The following ARHGEF12 variants were observed in gnomAD, a reference collection of about 807,000 sequenced individuals.
ARHGEF12 encodes KMT2A/ARHGEF12 fusion protein.
In ARHGEF12, 66 loss-of-function variants were observed where a neutral mutation model predicts 211.2. That is an observed-to-expected ratio of 0.31 (90% CI 0.26 to 0.38). The LOEUF is 0.38. ARHGEF12 is among the 10% of genes least tolerant of loss of function. The pLI is 1.00. For missense variants in ARHGEF12, 1,429 were observed against 1,869.5 expected (o/e 0.76, Z 4.34); for synonymous variants, 592 against 638.4 (o/e 0.93, Z 1.09).
At chr11:120,457,986 A>ATATC in intron 24 of ARHGEF12, 94 bp from the exon 25 acceptor site, 1 of 1,419,998 alleles carries the variant, frequency 7.0e-7, no homozygotes, top group Non-Finnish European at 9.6e-7. Flanking sequence ...AGATTCAGGA[A>ATATC]TCTGATTAGA....
intron 1 of ARHGEF12, among the ~76,000 whole-genome samples, chr11:120,362,135 G>T (rs556493894): frequency 2.6e-5 from 4 of 152,300 alleles, no homozygotes; most frequent in African/African-American, 9.6e-5. Flanking sequence ...TCTCAAATTG[G>T]CTGAATACAT....
intron 1 of ARHGEF12, among the ~76,000 whole-genome samples, chr11:120,360,451 G>A (rs1287412269): frequency 6.6e-6 from 1 of 152,104 alleles, no homozygotes; most frequent in Non-Finnish European, 1.5e-5. Flanking sequence ...GGAGTGCAGT[G>A]ATGCGGTCAT....
chr11:120,453,547 G>C lies in ARHGEF12; in HGVS notation c.2056+1823G>C, dbSNP rs552534713. Among the ~76,000 whole-genome samples the C allele has an allele frequency of 2.6e-4, 39 of 152,184 alleles. 1 individual carries two copies. In the South Asian group the frequency reaches 4.6e-3, roughly 18 times the overall value. On this transcript the variant is annotated intron_variant, in intron 22 of 40. Transcript: ENST00000397843. ...CCAGCCAGGGCAACATGAAAAGACT[G>C]TCTCTACAAAAAATGAAGAAGTCAG... is the stretch of plus-strand genomic sequence containing the variant.
At chr11:120,457,317 T>C in intron 23 of ARHGEF12, 67 bp downstream of exon 23, 2 of 1,556,002 alleles carry the variant, frequency 1.3e-6, no homozygotes. Flanking sequence ...ATGCTATTCC[T>C]ATACTTAGTA....
intron 1 of ARHGEF12, among the ~76,000 whole-genome samples, chr11:120,345,478 C>T (rs901997767): frequency 2.0e-5 from 3 of 151,972 alleles, no homozygotes; most frequent in Admixed American, 6.6e-5. Context: ...CCGAGGTGGG[C>T]GGTTCAGGAG....
At position 120,488,554 on chromosome 11, in the gene ARHGEF12, G is replaced by C. The variant is rs1396487250; in HGVS notation, c.*3477G>C. ...CCTTATTCCTTATGCCTTCCCCACT[G>C]GTATTGAGGGTTTTGATAATAAATT... On this transcript the variant is annotated 3_prime_UTR_variant, in exon 41 of 41. Transcript: ENST00000397843. The C allele has an allele frequency of 9.2e-6, 2 of 218,366 alleles. No individual in the cohort carries two copies. Among genetic ancestry groups the C allele is most frequent in the African/African-American group, 4.5e-5 (2 of 44,440 alleles). 13.5% of individuals were successfully genotyped at this position (218,366 alleles called of 1,614,324 possible).
chr11:120,361,298 A>G (rs1047776553), intron 1 of ARHGEF12, among the ~76,000 whole-genome samples: 2 of 152,160 alleles, frequency 1.3e-5, no homozygotes, highest in African/African-American at 2.4e-5. Flanking sequence ...AGGAGTGCGA[A>G]CCCTGTTGTG....
chr11:120,457,518 C>T (rs781505937), intron 23 of ARHGEF12: 37 of 448,316 alleles, frequency 8.3e-5, no homozygotes, highest in Non-Finnish European at 1.4e-4. Flanking sequence ...CATAAAAGAA[C>T]TAAAACACCA....
At chr11:120,482,055 A>G (rs776670299) in intron 39 of ARHGEF12, among the ~76,000 whole-genome samples, 8 of 152,014 alleles carry the variant, frequency 5.3e-5, no homozygotes, top group Non-Finnish European at 1.0e-4. Context: ...CACCGCGCCC[A>G]GTCGGCATTG....
chr11:120,442,061 A>G (rs759259994), intron 14 of ARHGEF12, 43 bp from the exon 15 acceptor site: 13 of 1,408,738 alleles, frequency 9.2e-6, no homozygotes, highest in Admixed American at 7.9e-5. Flanking sequence ...TACATTTTTC[A>G]TGGTTCCTCA....
chr11:120,437,173 G>C, intron 11 of ARHGEF12, 135 bp from the exon 12 acceptor site: 1 of 545,168 alleles, frequency 1.8e-6, no homozygotes, highest in Non-Finnish European at 3.1e-6. Flanking sequence ...GCAGAACCAA[G>C]CATTTTACGA....
chr11:120,442,582 T>C (rs1353718583), intron 15 of ARHGEF12, among the ~76,000 whole-genome samples: 2 of 152,084 alleles, frequency 1.3e-5, no homozygotes, highest in African/African-American at 4.8e-5. Context: ...AACTGAACTC[T>C]GGGTGGCCTC....
intron 39 of ARHGEF12, among the ~76,000 whole-genome samples, chr11:120,483,790 A>T (rs889363918): frequency 1.6e-4 from 24 of 151,564 alleles, no homozygotes; most frequent in Non-Finnish European, 2.8e-4. Context: ...AATTTTTTTT[A>T]TTTTTAGTAG....
At chr11:120,431,694 T>C in intron 10 of ARHGEF12, 77 bp from the exon 11 acceptor site, 1 of 1,421,452 alleles carries the variant, frequency 7.0e-7, no homozygotes, top group Admixed American at 2.7e-5. Flanking sequence ...GTAGTACCAC[T>C]ATTTCTTTAT....
At chr11:120,472,847 G>C (rs1324642169) in intron 30 of ARHGEF12, among the ~76,000 whole-genome samples, 4 of 151,934 alleles carry the variant, frequency 2.6e-5, no homozygotes, top group African/African-American at 9.7e-5. Context: ...AGTAGAGACG[G>C]GGTTTCACTG....
At chr11:120,342,841 G>A (rs561700333) in intron 1 of ARHGEF12, among the ~76,000 whole-genome samples, 1 of 152,158 alleles carries the variant, frequency 6.6e-6, no homozygotes, top group Non-Finnish European at 1.5e-5. Flanking sequence ...TGACAAAAGG[G>A]TAGGGTATAG....
intron 1 of ARHGEF12, among the ~76,000 whole-genome samples, chr11:120,375,039 G>T (rs1943689626): frequency 6.6e-6 from 1 of 152,144 alleles, no homozygotes; most frequent in African/African-American, 2.4e-5. Flanking sequence ...TGAAAATAAA[G>T]AATGGGTAGA....
At chr11:120,475,258 T>C in intron 32 of ARHGEF12, 82 bp from the exon 33 acceptor site, 1 of 1,265,424 alleles carries the variant, frequency 7.9e-7, no homozygotes, top group Non-Finnish European at 1.1e-6. Context: ...GAAATAGAAT[T>C]CCTCTGTTGA....
At chr11:120,369,998 T>C (rs1943546022) in intron 1 of ARHGEF12, among the ~76,000 whole-genome samples, 1 of 152,190 alleles carries the variant, frequency 6.6e-6, no homozygotes, top group African/African-American at 2.4e-5. Flanking sequence ...TTTTATACTT[T>C]GGCTATATGT....
Sources: allele counts gnomAD v4.1 joint callset (sites outside exome capture counted in the v4.1 genomes callset), GRCh38; gene constraint gnomAD v4.1.1; transcripts MANE v1.5; gene names NCBI Gene and HGNC (gene_info 2026-07-23, HGNC 2026-07-21).